The following SCIN variants were observed in gnomAD, a reference collection of about 807,000 sequenced individuals.
SCIN encodes the protein adseverin.
In SCIN, 91 loss-of-function variants were observed where a neutral mutation model predicts 91.8. The ratio of observed to expected loss-of-function variants is 0.99; its 90% confidence interval spans 0.84 to 1.18. The LOEUF is 1.18. Among genes scored for constraint, SCIN ranks in the 50% most tolerant of loss-of-function variants. SCIN has a pLI of 0.00. For synonymous variants in SCIN, 367 were observed against 312.6 expected, an observed-to-expected ratio of 1.17 and a Z score of -1.84; for missense variants, 1,087 against 863.9, an observed-to-expected ratio of 1.26 and a Z score of -3.24.
At chr7:12,639,856 G>A (rs1783822969) in intron 10 of SCIN, among the ~76,000 whole-genome samples, 1 of 152,064 alleles carries the variant, frequency 6.6e-6, no homozygotes, top group Admixed American at 6.6e-5. Flanking sequence ...GAAATAATGG[G>A]TATGATTTGG....
intron 8 of SCIN, among the ~76,000 whole-genome samples, chr7:12,627,281 C>T (rs1783546655): frequency 6.6e-6 from 1 of 152,118 alleles, no homozygotes; most frequent in African/African-American, 2.4e-5. Context: ...TTCACCCTTC[C>T]ACTGCCTTGA....
chr7:12,573,425 C>T (rs1782308268), intron 1 of SCIN, among the ~76,000 whole-genome samples: 2 of 152,088 alleles, frequency 1.3e-5, no homozygotes, highest in East Asian at 1.9e-4. Context: ...GAGAACAGAG[C>T]AGGAGAGTCG....
rs1041489877 is a variant in SCIN at position 12,618,917 on chromosome 7, C to T, written c.667-3884C>T. ...TTAAGATGAGAAGAATGAAATGCCT[C>T]ATTTTCTATATAAAGAGCTTTGAAG... On this transcript the variant is annotated intron_variant, in intron 4 of 15. Transcript: ENST00000297029. Among the ~76,000 whole-genome samples, 18 of 152,104 alleles carry T rather than the reference C, an allele frequency of 1.2e-4. 1 individual carries two copies. The highest frequency in any genetic ancestry group is 1.8e-4 in the Non-Finnish European group (12 of 67,996).
chr7:12,571,458 A>G, intron 1 of SCIN: 1 of 366,616 alleles, frequency 2.7e-6, no homozygotes, highest in East Asian at 8.3e-5. Context: ...CTTTTTCTTC[A>G]CACATTATTT....
intron 3 of SCIN, among the ~76,000 whole-genome samples, chr7:12,603,699 G>A (rs1462708834): frequency 6.6e-6 from 1 of 151,950 alleles, no homozygotes; most frequent in Non-Finnish European, 1.5e-5. Context: ...AATCTAAATG[G>A]TAGCTAATAT....
intron 3 of SCIN, among the ~76,000 whole-genome samples, chr7:12,603,430 A>C (rs1418465071): frequency 6.6e-6 from 1 of 152,132 alleles, no homozygotes; most frequent in East Asian, 1.9e-4. Flanking sequence ...GGCATGAGCC[A>C]CCATGCCTGA....
chr7:12,622,903 C>A lies in SCIN; in HGVS notation c.759+10C>A, dbSNP rs769527317. On this transcript the variant is annotated intron_variant, in intron 5 of 15. Transcript: ENST00000297029. ...GGCTAAACTATACATGGTGAGTTCA[C>A]TGTAACCAAATTTATTGTTTCAACA... 3.1e-6 allele frequency: 5 copies of A among 1,591,886 alleles called. No individual in the cohort carries two copies. The highest frequency in any genetic ancestry group is 3.4e-5 in the Admixed American group (2 of 59,524).
At chr7:12,640,106 T>G (rs952082093) in intron 10 of SCIN, among the ~76,000 whole-genome samples, 2 of 152,190 alleles carry the variant, frequency 1.3e-5, no homozygotes, top group Non-Finnish European at 2.9e-5. Context: ...CATGGTGATG[T>G]TTCCCCTGAC....
At chr7:12,635,964 C>A (rs1783742632) in intron 9 of SCIN, 81 bp from the exon 10 acceptor site, 2 of 960,158 alleles carry the variant, frequency 2.1e-6, no homozygotes, top group Non-Finnish European at 3.3e-6. Context: ...TTCATAATAA[C>A]TTGTCTCTGC....
chr7:12,595,966 G>A (rs1406916498), intron 3 of SCIN, among the ~76,000 whole-genome samples: 5 of 152,212 alleles, frequency 3.3e-5, no homozygotes, highest in South Asian at 2.1e-4. Flanking sequence ...TTCGACTGAC[G>A]GGCATAAGGC....
At chr7:12,633,488 C>T (rs970677120) in intron 9 of SCIN, among the ~76,000 whole-genome samples, 3 of 152,084 alleles carry the variant, frequency 2.0e-5, no homozygotes, top group African/African-American at 4.8e-5. Context: ...GTGTGGATGG[C>T]AGTTTGGTAC....
Position 12,622,962 on chromosome 7 carries a change from C to T in SCIN, c.759+69C>T, listed in dbSNP as rs189150209. On this transcript the variant is annotated intron_variant, in intron 5 of 15. Coordinates refer to ENST00000297029, the MANE Select transcript of SCIN (RefSeq NM_001112706.3). Reference sequence around the variant, plus strand: ...TGTAGCTAGGGAGGCCTGTATTGGGCGGGATTCCCGTTGCTGCAGTTGAGA... The same window carrying T: ...TGTAGCTAGGGAGGCCTGTATTGGGTGGGATTCCCGTTGCTGCAGTTGAGA... The T allele has an allele frequency of 5.7e-5, 62 of 1,095,926 alleles. No individual in the cohort carries two copies. The African/African-American group carries it at 6.4e-4, about 11-fold the overall frequency. 67.9% of individuals were successfully genotyped at this position (1,095,926 alleles called of 1,614,324 possible).
chr7:12,624,004 A>G (rs1047433849), intron 5 of SCIN, among the ~76,000 whole-genome samples: 1 of 152,148 alleles, frequency 6.6e-6, no homozygotes, highest in African/African-American at 2.4e-5. Context: ...ATCAACCAAA[A>G]CTGTTCTCCC....
chr7:12,587,978 A>C (rs1782625947), intron 3 of SCIN, among the ~76,000 whole-genome samples: 1 of 152,218 alleles, frequency 6.6e-6, no homozygotes, highest in Admixed American at 6.5e-5. Context: ...CTGGCCAAAA[A>C]GCTGTAGCAA....
At chr7:12,607,986 G>A (rs1225970050) in intron 4 of SCIN, among the ~76,000 whole-genome samples, 2 of 152,042 alleles carry the variant, frequency 1.3e-5, no homozygotes, top group South Asian at 2.1e-4. Flanking sequence ...ATAAGCAAAC[G>A]TGAGTAGCAG....
In SCIN at chr7:12,658,990, C is replaced by T. The variant is rs1052105488; in HGVS notation, c.*6275C>T. On this transcript the variant is annotated 3_prime_UTR_variant, in exon 16 of 16. Coordinates refer to ENST00000297029, the MANE Select transcript of SCIN (RefSeq NM_001112706.3). The stretch of plus-strand genomic sequence containing the variant: ...TTTTGTTTTGAGATGGAGTCTTGCA[C>T]TGTCACCCAGGCTGGAGGACAGTGG... 3 of 152,258 alleles carry T rather than the reference C, an allele frequency of 2.0e-5. No homozygotes were observed. The highest frequency in any genetic ancestry group is 4.4e-5 in the Non-Finnish European group (3 of 68,100). 9.4% of individuals were successfully genotyped at this position (152,258 alleles called of 1,614,324 possible).
At chr7:12,608,542 G>C (rs1273464555) in intron 4 of SCIN, among the ~76,000 whole-genome samples, 1 of 151,928 alleles carries the variant, frequency 6.6e-6, no homozygotes, top group Non-Finnish European at 1.5e-5. Flanking sequence ...CAGTGGTACG[G>C]TCTCGGCACA....
intron 9 of SCIN, among the ~76,000 whole-genome samples, chr7:12,631,287 G>C (rs548484922): frequency 6.6e-6 from 1 of 152,120 alleles, no homozygotes; most frequent in African/African-American, 2.4e-5. Flanking sequence ...ACTATAACCC[G>C]TGCCTTCAGG....
In SCIN at chr7:12,622,760, G is replaced by A. The variant is rs570584400; in HGVS notation, c.667-41G>A. On this transcript the variant is annotated intron_variant, in intron 4 of 15. Coordinates refer to ENST00000297029, the MANE Select transcript of SCIN (RefSeq NM_001112706.3). Reference sequence around the variant, plus strand: ...TTTTCTAACTCTGCATCCTTCAATGGGAGATCTTTATCTTTGCATCCACTG... The same window carrying A: ...TTTTCTAACTCTGCATCCTTCAATGAGAGATCTTTATCTTTGCATCCACTG... 31 of 1,322,238 alleles carry A rather than the reference G, an allele frequency of 2.3e-5. No individual in the cohort carries two copies. The Admixed American group carries it at 4.3e-4, about 19-fold the overall frequency. The allele number at this position is 1,322,238 out of a possible 1,614,324, so 81.9% of individuals were successfully genotyped here.
Sources: gnomAD v4.1 joint callset for allele counts (sites outside exome capture counted in the v4.1 genomes callset) on GRCh38, gnomAD v4.1.1 for gene constraint, MANE v1.5 for transcripts, NCBI Gene and HGNC (gene_info 2026-07-23, HGNC 2026-07-21) for gene names.